Variants in DYSF observed in about 807,000 individuals in gnomAD.
DYSF encodes dysferlin.
In DYSF, 212 loss-of-function variants were observed where a neutral mutation model predicts 274.9. The observed-to-expected ratio is 0.77, with a 90% CI of 0.69 to 0.86. The LOEUF (loss-of-function observed/expected upper bound fraction) is 0.86, where lower values mean the gene tolerates loss of function less well. Ranked by LOEUF, DYSF falls within the 40% of genes least tolerant of loss-of-function variation. The pLI is 0.00. For synonymous variants in DYSF, 1,091 were observed against 1,078.7 expected (o/e 1.01, Z -0.22); for missense variants, 2,666 against 2,783.2 (o/e 0.96, Z 0.95).
intron 40 of DYSF, among the ~76,000 whole-genome samples, chr2:71,618,632 T>TGGAG (rs2094007439): frequency 9.4e-6 from 1 of 106,676 alleles, no homozygotes; most frequent in African/African-American, 3.2e-5. Flanking sequence ...GGTGTGTGTG[T>TGGAG]TACAGGAGGT....
chr2:71,526,421 C>CGGTGGGGGGGGGGGGGG, intron 13 of DYSF, 75 bp downstream of exon 13: 1 of 272,074 alleles, frequency 3.7e-6, no homozygotes, highest in East Asian at 9.7e-5. Context: ...TGGGCGATGG[C>CGGTGGGGGGGGGGGGGG]GGGCGGGGTC....
intron 42 of DYSF, among the ~76,000 whole-genome samples, chr2:71,655,742 C>T (rs921553499): frequency 9.8e-5 from 15 of 152,326 alleles, no homozygotes; most frequent in African/African-American, 3.1e-4. Context: ...AATAAAATGT[C>T]GGTCCACCCT....
chr2:71,629,145 G>A (rs2094268286), intron 41 of DYSF, among the ~76,000 whole-genome samples: 1 of 151,800 alleles, frequency 6.6e-6, no homozygotes, highest in Admixed American at 6.6e-5. Flanking sequence ...CTTTCATATT[G>A]TTTATTTCTT....
At chr2:71,493,851 CAAAAAA>C (rs145288384) in intron 3 of DYSF, among the ~76,000 whole-genome samples, 24 of 69,320 alleles carry the variant, frequency 3.5e-4, no homozygotes, top group Admixed American at 3.3e-3. Flanking sequence ...TACTCTGTCT[CAAAAAA>C]AAAAAAAAAA....
At chr2:71,685,268 T>A (rs946167119) in intron 55 of DYSF, among the ~76,000 whole-genome samples, 1 of 152,202 alleles carries the variant, frequency 6.6e-6, no homozygotes, top group Admixed American at 6.5e-5. Context: ...CTCCTTTGAG[T>A]TCTTCTGGAA....
At chr2:71,685,934 T>C (rs1214443033) in intron 55 of DYSF, among the ~76,000 whole-genome samples, 1 of 152,190 alleles carries the variant, frequency 6.6e-6, no homozygotes, top group Non-Finnish European at 1.5e-5. Flanking sequence ...TGCTGGGCTG[T>C]GCCGTGGGTC....
intron 3 of DYSF, among the ~76,000 whole-genome samples, chr2:71,492,224 A>G (rs993263400): frequency 9.2e-5 from 14 of 152,222 alleles, no homozygotes; most frequent in African/African-American, 2.7e-4. Context: ...GGGGAATCAG[A>G]TACTGGCCGG....
At chr2:71,685,679 C>T (rs1474831214) in intron 55 of DYSF, among the ~76,000 whole-genome samples, 1 of 152,196 alleles carries the variant, frequency 6.6e-6, no homozygotes, top group East Asian at 1.9e-4. Flanking sequence ...TCTCAGCTTC[C>T]CCCTCAGAGC....
At chr2:71,459,073 C>T (rs868521678) in intron 1 of DYSF, among the ~76,000 whole-genome samples, 6 of 152,192 alleles carry the variant, frequency 3.9e-5, no homozygotes, top group Admixed American at 6.5e-5. Flanking sequence ...GGATATCCGC[C>T]GGACACATAT....
chr2:71,659,054 A>G (rs1573010587), intron 44 of DYSF, 21 bp downstream of exon 44: 3 of 1,613,878 alleles, frequency 1.9e-6, no homozygotes, highest in East Asian at 4.5e-5. Context: ...TAGAGCCCTC[A>G]CCTCCCCCAG....
chr2:71,610,544 CTCTT>C (rs1558611391), intron 36 of DYSF, among the ~76,000 whole-genome samples: 1 of 152,208 alleles, frequency 6.6e-6, no homozygotes. Context: ...TCCTGCCCAA[CTCTT>C]TCTGGCAAAC....
rs1175097508 is a variant in DYSF at position 71,520,886 on chromosome 2, G to A, written c.1131G>A (p.Gly377=). The part of the protein sequence containing the change: ...GYLKTSLCVL[G]PGDEAPLERK... ...TGAAAACAAGCCTTTGTGTGCTGGG[G>A]CCTGGGGACGAAGCGCCTGTGAGTA... is the stretch of plus-strand genomic sequence containing the variant. Residue 377 remains glycine, a synonymous_variant, in exon 12 of 56, where the codon GGG becomes GGA. Transcript: ENST00000410020. 3 of 1,614,006 alleles carry A rather than the reference G, an allele frequency of 1.9e-6. No individual in the cohort carries two copies. Among genetic ancestry groups the A allele is most frequent in the Admixed American group, 1.7e-5 (1 of 60,002 alleles).
intron 41 of DYSF, among the ~76,000 whole-genome samples, chr2:71,625,091 A>C (rs145358437): frequency 6.6e-6 from 1 of 152,132 alleles, no homozygotes; most frequent in African/African-American, 2.4e-5. Flanking sequence ...TTTCCATCCA[A>C]AGAACCAGCT....
Position 71,533,218 on chromosome 2 carries a change from C to T in DYSF, c.1381-1803C>T, listed in dbSNP as rs530154317. On this transcript the variant is annotated intron_variant, in intron 14 of 55. Coordinates refer to ENST00000410020, the MANE Select transcript of DYSF (RefSeq NM_001130987.2). ...TATTTTTAGTAGAGACAGGGCTTTG[C>T]CACATTATCCAGGCTTGTCTTGAAC... 2.6e-5 allele frequency among the ~76,000 whole-genome samples: 4 copies of T among 152,292 alleles called. No homozygotes were observed. The South Asian group carries it at 8.3e-4, about 32-fold the overall frequency.
intron 1 of DYSF, among the ~76,000 whole-genome samples, chr2:71,478,688 C>T (rs977891973): frequency 1.3e-5 from 2 of 152,268 alleles, no homozygotes; most frequent in Admixed American, 1.3e-4. Flanking sequence ...CCCCCTCTCC[C>T]TGGAGGGAGG....
chr2:71,513,331 G>A lies in DYSF; in HGVS notation c.552G>A (p.Thr184=), dbSNP rs370631900. 2.6e-5 allele frequency: 41 copies of A among 1,551,402 alleles called. No individual in the cohort carries two copies. The highest frequency in any genetic ancestry group is 3.3e-5 in the Non-Finnish European group (38 of 1,146,944). Residue 184 remains threonine (T), a splice_region_variant and synonymous_variant, in exon 6 of 56, where the codon ACG becomes ACA. Transcript: ENST00000410020. ...CTGGAAAGAAGTGGCCGGCCCCCACGGGTGAGACACGGGCCAGGACTGTCC... is the reference window on the plus strand; with the variant it reads ...CTGGAAAGAAGTGGCCGGCCCCCACAGGTGAGACACGGGCCAGGACTGTCC... The part of the protein sequence containing the change: ...RYSGKKWPAP[T]DTGGEEDTED...
At position 71,503,743 on chromosome 2, in the gene DYSF, G is replaced by A. The variant is rs545747128; in HGVS notation, c.345+424G>A. Among the ~76,000 whole-genome samples the A allele has an allele frequency of 7.2e-5, 11 of 152,158 alleles. No homozygotes were observed. The South Asian group carries it at 1.9e-3, about 26-fold the overall frequency. On this transcript the variant is annotated intron_variant, in intron 4 of 55. Coordinates refer to ENST00000410020, the MANE Select transcript of DYSF (RefSeq NM_001130987.2). ...GGGTCACAGGGCATGAGGGATGGAG[G>A]GAAAGAGCCCTCTCCCCTGCCCACC...
chr2:71,665,235 G>C lies in DYSF; in HGVS notation c.5248G>C (p.Val1750Leu). ...LLHLFCQQHR[V>L]KAPVYRTDRV... ...CCACCTCTTCTGCCAGCAGCATAGA[G>C]TCAAGGCACCTGTGTACCGGACAGA... is the stretch of plus-strand genomic sequence containing the variant. Residue 1750 changes from valine to leucine, a missense_variant, in exon 47 of 56, where the codon GTC becomes CTC. Physicochemically the swap from Val to Leu is conservative, Grantham distance 32 (BLOSUM62 1). This residue lies in a region of DYSF where 1,460 missense variants were observed against 1,502.1 expected (regional missense o/e 0.97). Coordinates refer to ENST00000410020, the MANE Select transcript of DYSF (RefSeq NM_001130987.2). The C allele has an allele frequency of 6.2e-7, 1 of 1,614,182 alleles. No homozygotes were observed. The highest frequency in any genetic ancestry group is 8.5e-7 in the Non-Finnish European group (1 of 1,180,032).
rs2094958854 is a variant in DYSF, at chr2:71,664,430, C to T, written c.5166C>T (p.Thr1722=). The change falls in exon 46 of 56, where the codon ACC becomes ACT. Residue 1722 remains threonine, a synonymous_variant. Coordinates refer to ENST00000410020, the MANE Select transcript of DYSF (RefSeq NM_001130987.2). ...GGGCTCGCTGTGGACTCCCACAGACCTACTGTGTGTACGTGGATGGGGGCT... is the reference window on the plus strand; with the variant it reads ...GGGCTCGCTGTGGACTCCCACAGACTTACTGTGTGTACGTGGATGGGGGCT... The part of the protein sequence containing the change: ...KFGARCGLPQ[T]YCVSGPNQWR... 1.9e-6 allele frequency: 3 copies of T among 1,614,042 alleles called. No individual in the cohort carries two copies. The highest frequency in any genetic ancestry group is 2.5e-6 in the Non-Finnish European group (3 of 1,180,036).
Sources: allele counts gnomAD v4.1 joint callset (sites outside exome capture counted in the v4.1 genomes callset), GRCh38; gene constraint gnomAD v4.1.1; regional missense constraint gnomAD v4.1.1; transcripts MANE v1.5; gene names NCBI Gene and HGNC (gene_info 2026-07-23, HGNC 2026-07-21).